Variants in ULK4 observed in about 807,000 individuals in gnomAD.
ULK4 encodes the protein inactive serine/threonine-protein kinase ULK4.
In ULK4, 133 loss-of-function variants were observed where a neutral mutation model predicts 160.6. That is an observed-to-expected ratio of 0.83 (90% CI 0.72 to 0.96). The LOEUF is 0.96. Ranked by LOEUF, ULK4 falls within the 40% of genes least tolerant of loss-of-function variation. ULK4 has a pLI of 0.00. For missense variants in ULK4, 1,580 were observed against 1,499.5 expected (o/e 1.05, Z -0.89); for synonymous variants, 534 against 539.8 (o/e 0.99, Z 0.15).
At chr3:41,805,326 T>C (rs1381976279) in intron 19 of ULK4, among the ~76,000 whole-genome samples, 5 of 152,214 alleles carry the variant, frequency 3.3e-5, no homozygotes, top group Admixed American at 6.5e-5. Context: ...TTTTTGTACA[T>C]TGATTTTGTA....
intron 2 of ULK4, among the ~76,000 whole-genome samples, chr3:41,940,960 T>C (rs1461455070): frequency 6.6e-6 from 1 of 152,040 alleles, no homozygotes; most frequent in East Asian, 1.9e-4. Context: ...ACCACAAAAA[T>C]GTGTGCATTA....
intron 18 of ULK4, 95 bp downstream of exon 18, chr3:41,835,769 G>A (rs1357293408): frequency 1.9e-5 from 17 of 872,368 alleles, no homozygotes; most frequent in South Asian, 9.5e-5. Context: ...GCTCTAAGGC[G>A]CAAAATCAAA....
intron 32 of ULK4, among the ~76,000 whole-genome samples, chr3:41,562,598 C>G (rs2087627915): frequency 6.6e-6 from 1 of 152,148 alleles, no homozygotes; most frequent in South Asian, 2.1e-4. Flanking sequence ...TTGAATCACC[C>G]TTTACCATTA....
At chr3:41,449,193 C>T (rs1300310403) in intron 34 of ULK4, among the ~76,000 whole-genome samples, 3 of 152,064 alleles carry the variant, frequency 2.0e-5, no homozygotes, top group Non-Finnish European at 2.9e-5. Flanking sequence ...GCTGGGATTA[C>T]AGTTGTGAGC....
At chr3:41,547,741 G>A (rs1360993444) in intron 32 of ULK4, among the ~76,000 whole-genome samples, 1 of 152,216 alleles carries the variant, frequency 6.6e-6, no homozygotes, top group Non-Finnish European at 1.5e-5. Context: ...TGTCCCTGGA[G>A]TCCTGCTGAC....
chr3:41,488,099 T>C (rs561234929), intron 32 of ULK4, among the ~76,000 whole-genome samples: 11 of 152,226 alleles, frequency 7.2e-5, no homozygotes, highest in Non-Finnish European at 1.5e-4. Flanking sequence ...ATGCAAGGCA[T>C]AGAATTACAT....
intron 31 of ULK4, among the ~76,000 whole-genome samples, chr3:41,610,713 G>A (rs1417304770): frequency 6.6e-6 from 1 of 152,144 alleles, no homozygotes; most frequent in East Asian, 1.9e-4. Context: ...TCAAACTAGT[G>A]TATTGCTAAT....
intron 32 of ULK4, among the ~76,000 whole-genome samples, chr3:41,475,909 G>A (rs1244003401): frequency 6.6e-6 from 1 of 151,524 alleles, no homozygotes; most frequent in Non-Finnish European, 1.5e-5. Flanking sequence ...AAGAGGAAGG[G>A]AAGGAGTGAG....
At chr3:41,308,230 A>G (rs2079985292) in intron 35 of ULK4, among the ~76,000 whole-genome samples, 1 of 152,160 alleles carries the variant, frequency 6.6e-6, no homozygotes, top group Non-Finnish European at 1.5e-5. Flanking sequence ...ATGCACATGT[A>G]CACACAGGAG....
chr3:41,598,082 G>A (rs947684134), intron 31 of ULK4, among the ~76,000 whole-genome samples: 1 of 152,154 alleles, frequency 6.6e-6, no homozygotes, highest in Non-Finnish European at 1.5e-5. Flanking sequence ...TTGGGGGTGA[G>A]TGGACCTAGT....
chr3:41,435,885 T>C (rs746215799), intron 34 of ULK4, among the ~76,000 whole-genome samples: 3 of 151,992 alleles, frequency 2.0e-5, no homozygotes, highest in Non-Finnish European at 4.4e-5. Flanking sequence ...GAGGTGGAGG[T>C]TGGAGTGAGC....
At chr3:41,829,398 C>G (rs1257513409) in intron 18 of ULK4, among the ~76,000 whole-genome samples, 1 of 145,810 alleles carries the variant, frequency 6.9e-6, no homozygotes, top group African/African-American at 2.6e-5. Flanking sequence ...ATCCACACAT[C>G]TGACAAAGGG....
chr3:41,531,014 G>A (rs1483548938), intron 32 of ULK4, among the ~76,000 whole-genome samples: 3 of 150,996 alleles, frequency 2.0e-5, no homozygotes, highest in African/African-American at 7.3e-5. Context: ...TGCCCGCCTC[G>A]GCCTCCCAAA....
chr3:41,543,866 T>C (rs1040985847), intron 32 of ULK4, among the ~76,000 whole-genome samples: 1 of 152,162 alleles, frequency 6.6e-6, no homozygotes, highest in East Asian at 1.9e-4. Flanking sequence ...TGAATTTCCA[T>C]TTGGTTCATT....
intron 31 of ULK4, among the ~76,000 whole-genome samples, chr3:41,573,846 C>A (rs961917185): frequency 6.6e-6 from 1 of 152,176 alleles, no homozygotes; most frequent in African/African-American, 2.4e-5. Context: ...TCCTACCTGG[C>A]TAGATTCCTA....
intron 31 of ULK4, among the ~76,000 whole-genome samples, chr3:41,598,501 A>G (rs1190469353): frequency 6.6e-6 from 1 of 152,242 alleles, no homozygotes; most frequent in Non-Finnish European, 1.5e-5. Flanking sequence ...CATTTTTACA[A>G]CGAAACCTAG....
At chr3:41,702,677 A>G (rs1476415983) in intron 27 of ULK4, among the ~76,000 whole-genome samples, 1 of 152,154 alleles carries the variant, frequency 6.6e-6, no homozygotes, top group East Asian at 1.9e-4. Flanking sequence ...AAGATGACAT[A>G]ATTTGAAATT....
intron 4 of ULK4, among the ~76,000 whole-genome samples, chr3:41,934,406 T>G (rs1440681024): frequency 6.6e-6 from 1 of 152,248 alleles, no homozygotes; most frequent in African/African-American, 2.4e-5. Context: ...ATCCAGCTTT[T>G]TCTTTCCTTG....
intron 34 of ULK4, among the ~76,000 whole-genome samples, chr3:41,444,361 T>TTCTCTC (rs56744200): frequency 0.03 from 4,448 of 146,610 alleles, 189 homozygotes; most frequent in African/African-American, 0.091. Context: ...TTTAAGTGAC[T>TTCTCTC]TCTCTCTCTC....
Sources: gnomAD v4.1 joint callset for allele counts (sites outside exome capture counted in the v4.1 genomes callset) on GRCh38, gnomAD v4.1.1 for gene constraint, MANE v1.5 for transcripts, NCBI Gene and HGNC (gene_info 2026-07-23, HGNC 2026-07-21) for gene names.